PSD3: variants seen among roughly 807,000 people sequenced by gnomAD.
The protein encoded by PSD3 is pleckstrin and Sec7 domain containing 3, also known as PH and SEC7 domain-containing protein 3.
Under a neutral mutation model 105.5 loss-of-function variants are expected in PSD3, and 49 were observed. That is an observed-to-expected ratio of 0.46 (90% CI 0.37 to 0.59). The LOEUF (loss-of-function observed/expected upper bound fraction) is 0.59. Among genes scored for constraint, PSD3 ranks in the 20% least tolerant of loss-of-function variants. PSD3 has a pLI of 0.00. For missense variants in PSD3, 1,561 were observed against 1,263.8 expected, an observed-to-expected ratio of 1.24 and a Z score of -3.57; for synonymous variants, 557 against 457.8, an observed-to-expected ratio of 1.22 and a Z score of -2.77.
chr8:18,547,618 C>G (rs1302989920), intron 15 of PSD3, among the ~76,000 whole-genome samples: 1 of 152,220 alleles, frequency 6.6e-6, no homozygotes, highest in African/African-American at 2.4e-5. Context: ...CTCTGACACT[C>G]TAATTGAGTT....
intron 10 of PSD3, among the ~76,000 whole-genome samples, chr8:18,654,134 T>C (rs1207586489): frequency 1.3e-5 from 2 of 152,154 alleles, no homozygotes; most frequent in Admixed American, 6.5e-5. Flanking sequence ...TACAGACACA[T>C]AAGCCATATA....
At chr8:19,033,675 T>C (rs975234519) in intron 1 of PSD3, among the ~76,000 whole-genome samples, 1 of 152,066 alleles carries the variant, frequency 6.6e-6, no homozygotes, top group Non-Finnish European at 1.5e-5. Flanking sequence ...TGAAGGTTTT[T>C]AGTGGGTTCC....
chr8:18,575,086 T>C (rs1395865614), intron 13 of PSD3, 42 bp downstream of exon 13: 3 of 1,592,818 alleles, frequency 1.9e-6, no homozygotes, highest in Non-Finnish European at 2.6e-6. Context: ...TAGTGCTAAG[T>C]GAACTAAAAC....
At chr8:18,590,805 G>C (rs1033495050) in intron 12 of PSD3, among the ~76,000 whole-genome samples, 3 of 152,028 alleles carry the variant, frequency 2.0e-5, no homozygotes, top group African/African-American at 7.2e-5. Flanking sequence ...AGGGACAGAA[G>C]AAACAAAACC....
chr8:18,655,918 A>C (rs1341128613), intron 9 of PSD3, among the ~76,000 whole-genome samples: 3 of 152,222 alleles, frequency 2.0e-5, no homozygotes, highest in Non-Finnish European at 4.4e-5. Context: ...TCTTTTATCA[A>C]TAAGGCACAG....
chr8:18,936,935 T>C (rs1432871880), intron 1 of PSD3, among the ~76,000 whole-genome samples: 1 of 152,176 alleles, frequency 6.6e-6, no homozygotes, highest in East Asian at 1.9e-4. Flanking sequence ...AGGAACACCA[T>C]TCAGCCGAAC....
chr8:18,947,423 G>A (rs1022837951), intron 1 of PSD3, among the ~76,000 whole-genome samples: 1 of 152,136 alleles, frequency 6.6e-6, no homozygotes, highest in African/African-American at 2.4e-5. Context: ...AGCCCCTGGA[G>A]GTCCATTCTC....
intron 1 of PSD3, among the ~76,000 whole-genome samples, chr8:18,948,414 A>C (rs1822997277): frequency 6.6e-6 from 1 of 152,196 alleles, no homozygotes; most frequent in South Asian, 2.1e-4. Context: ...GAACTTTAAA[A>C]GTCAGCCCAG....
At chr8:18,598,555 A>G (rs78524955) in intron 12 of PSD3, among the ~76,000 whole-genome samples, 8,893 of 152,204 alleles carry the variant, frequency 0.058, 493 homozygotes, top group East Asian at 0.22. Context: ...AAATTACACA[A>G]ACATCTCAAT....
intron 8 of PSD3, among the ~76,000 whole-genome samples, chr8:18,770,565 T>C (rs73199983): frequency 0.14 from 21,315 of 152,118 alleles, 1,897 homozygotes; most frequent in East Asian, 0.34. Flanking sequence ...TTCCACCCCT[T>C]GCTGGAGGGA....
chr8:18,687,776 T>C (rs528843477), intron 9 of PSD3, among the ~76,000 whole-genome samples: 75 of 151,302 alleles, frequency 5.0e-4, no homozygotes, highest in Admixed American at 2.9e-3. Context: ...ATTTTTGCTA[T>C]TTTTTTTTAA....
intron 1 of PSD3, among the ~76,000 whole-genome samples, chr8:19,081,674 T>C (rs552392148): frequency 4.6e-5 from 7 of 152,350 alleles, no homozygotes; most frequent in African/African-American, 1.7e-4. Context: ...AACCAACCAA[T>C]GAAGATTTGT....
intron 9 of PSD3, among the ~76,000 whole-genome samples, chr8:18,666,361 A>T (rs1799451744): frequency 6.6e-6 from 1 of 152,218 alleles, no homozygotes; most frequent in South Asian, 2.1e-4. Flanking sequence ...GTGTAAACAT[A>T]ACTTCTAAAT....
rs1192410075 is a variant in PSD3 at position 18,983,811 on chromosome 8, C to T, written c.21+29752G>A. ...TCCAGGAGCTGGAGACTAGCCAGGG[C>T]AACATAGCCAGACGCCGTCTCTACA... On this transcript the variant is annotated intron_variant, in intron 1 of 15. Transcript: ENST00000327040. 2.0e-5 allele frequency among the ~76,000 whole-genome samples: 3 copies of T among 150,798 alleles called. No individual in the cohort carries two copies. The East Asian group carries it at 5.8e-4, about 29-fold the overall frequency.
At chr8:18,896,558 C>T (rs79947239) in intron 2 of PSD3, among the ~76,000 whole-genome samples, 28,030 of 152,030 alleles carry the variant, frequency 0.18, 2,898 homozygotes, top group South Asian at 0.31. Flanking sequence ...GGACTACAGG[C>T]ACACACCACC....
chr8:18,947,492 T>C (rs1313984679), intron 1 of PSD3, among the ~76,000 whole-genome samples: 5 of 152,106 alleles, frequency 3.3e-5, no homozygotes, highest in African/African-American at 1.2e-4. Context: ...GACGCTCCCC[T>C]GGGACAAGGG....
chr8:18,599,076 G>A (rs531845345), intron 12 of PSD3, among the ~76,000 whole-genome samples: 6 of 151,922 alleles, frequency 3.9e-5, no homozygotes, highest in African/African-American at 1.5e-4. Context: ...AATCATAAAA[G>A]ACTCTGAATC....
intron 1 of PSD3, among the ~76,000 whole-genome samples, chr8:18,984,778 C>A (rs890047226): frequency 6.6e-5 from 10 of 152,152 alleles, no homozygotes; most frequent in African/African-American, 2.2e-4. Flanking sequence ...ATACTTCTGC[C>A]AACCTGACTG....
intron 9 of PSD3, among the ~76,000 whole-genome samples, chr8:18,699,529 G>A (rs929526022): frequency 6.6e-6 from 1 of 152,076 alleles, no homozygotes; most frequent in African/African-American, 2.4e-5. Context: ...GTGAAAACTG[G>A]GGACTTATAT....
Sources: gnomAD v4.1 joint callset for allele counts (sites outside exome capture counted in the v4.1 genomes callset) on GRCh38, gnomAD v4.1.1 for gene constraint, MANE v1.5 for transcripts, NCBI Gene and HGNC (gene_info 2026-07-23, HGNC 2026-07-21) for gene names.